IL1RAPL1: variants seen among roughly 807,000 people sequenced by gnomAD.
IL1RAPL1 encodes interleukin-1 receptor accessory protein-like 1.
A neutral mutation model predicts 48.4 loss-of-function variants in IL1RAPL1; 3 were observed. That is an observed-to-expected ratio of 0.06 (90% confidence interval 0.03 to 0.16). IL1RAPL1 has a LOEUF of 0.16. Ranked by LOEUF, IL1RAPL1 falls within the 10% of genes least tolerant of loss-of-function variation. The pLI is 1.00. For synonymous variants in IL1RAPL1, 185 were observed against 187.7 expected (o/e 0.99, Z 0.12); for missense variants, 349 against 530.6 (o/e 0.66, Z 3.36).
chrX:29,546,110 C>G (rs1490684005), intron 5 of IL1RAPL1, among the ~76,000 whole-genome samples: 2 of 111,617 alleles, frequency 1.8e-5, no homozygotes, highest in Admixed American at 9.6e-5. Flanking sequence ...CAGCCACCAC[C>G]AACAAAGTCA....
chrX:29,566,755 A>C (rs1922420342), intron 5 of IL1RAPL1, among the ~76,000 whole-genome samples: 1 of 112,550 alleles, frequency 8.9e-6, no homozygotes, highest in South Asian at 3.6e-4. Flanking sequence ...CTAGCAATAT[A>C]GGTTATTAAT....
At chrX:29,821,434 A>G (rs1930614988) in intron 6 of IL1RAPL1, among the ~76,000 whole-genome samples, 1 of 106,729 alleles carries the variant, frequency 9.4e-6, no homozygotes, top group Admixed American at 1.0e-4. Flanking sequence ...TGGGTGACAG[A>G]GCGAGACTCT....
intron 3 of IL1RAPL1, among the ~76,000 whole-genome samples, chrX:29,308,866 T>A (rs1932663843): frequency 8.9e-6 from 1 of 111,854 alleles, no homozygotes; most frequent in African/African-American, 3.2e-5. Flanking sequence ...CCAAGGGACA[T>A]CTTCAGGGTC....
intron 2 of IL1RAPL1, among the ~76,000 whole-genome samples, chrX:29,210,670 G>A (rs1253522380): frequency 9.0e-6 from 1 of 111,412 alleles, no homozygotes; most frequent in African/African-American, 3.3e-5. Flanking sequence ...CTGTGTCATT[G>A]GGATTGCCCT....
At chrX:29,121,912 CAGGTGTTATGCT>C (rs935728216) in intron 2 of IL1RAPL1, among the ~76,000 whole-genome samples, 1 of 111,630 alleles carries the variant, frequency 9.0e-6, no homozygotes, top group African/African-American at 3.3e-5. Context: ...TGATATTTGC[CAGGTGTTATGCT>C]AGGTGATATT....
At chrX:28,756,007 G>A (rs981432236) in intron 1 of IL1RAPL1, among the ~76,000 whole-genome samples, 6 of 111,581 alleles carry the variant, frequency 5.4e-5, no homozygotes, top group African/African-American at 1.6e-4. Flanking sequence ...ACTTTTCTAT[G>A]CACAGAGCTA....
intron 1 of IL1RAPL1, among the ~76,000 whole-genome samples, chrX:28,651,919 C>T (rs1367910802): frequency 9.0e-6 from 1 of 111,343 alleles, no homozygotes; most frequent in Non-Finnish European, 1.9e-5. Flanking sequence ...ACTTAAAGTA[C>T]CCTGGAAAGG....
At chrX:29,264,245 C>T (rs146882337) in intron 2 of IL1RAPL1, among the ~76,000 whole-genome samples, 261 of 111,529 alleles carry the variant, frequency 2.3e-3, no homozygotes, top group African/African-American at 8.1e-3. Context: ...TTTTCCTAAG[C>T]GTACTATGAT....
At chrX:28,882,799 AT>A (rs1158850778) in intron 2 of IL1RAPL1, among the ~76,000 whole-genome samples, 2 of 112,463 alleles carry the variant, frequency 1.8e-5, no homozygotes, top group Non-Finnish European at 3.7e-5. Context: ...ATGAAACCAT[AT>A]AAAAATATTA....
At chrX:29,667,242 C>T (rs1241319943) in intron 5 of IL1RAPL1, among the ~76,000 whole-genome samples, 1 of 112,142 alleles carries the variant, frequency 8.9e-6, no homozygotes. Context: ...AAACTCAAAA[C>T]TCATTCCTTT....
At chrX:28,698,846 T>C (rs866469971) in intron 1 of IL1RAPL1, among the ~76,000 whole-genome samples, 3 of 111,569 alleles carry the variant, frequency 2.7e-5, no homozygotes, top group Non-Finnish European at 5.7e-5. Flanking sequence ...AATAGCCAAG[T>C]AGATAAAGGA....
chrX:29,114,150 T>G (rs1370095681), intron 2 of IL1RAPL1, among the ~76,000 whole-genome samples: 2 of 112,072 alleles, frequency 1.8e-5, no homozygotes, highest in Non-Finnish European at 3.8e-5. Context: ...GAGTTGAAAT[T>G]TTCCCATTTT....
At chrX:29,793,627 ATTAC>A (rs1438974097) in intron 6 of IL1RAPL1, among the ~76,000 whole-genome samples, 2 of 111,960 alleles carry the variant, frequency 1.8e-5, no homozygotes, top group Admixed American at 9.5e-5. Flanking sequence ...TACTACATTT[ATTAC>A]TTATCATATT....
chrX:29,734,110 A>C (rs1179541794), intron 6 of IL1RAPL1, among the ~76,000 whole-genome samples: 1 of 112,866 alleles, frequency 8.9e-6, no homozygotes, highest in African/African-American at 3.2e-5. Flanking sequence ...CATTAAACTA[A>C]AAATATAATC....
chrX:28,844,476 G>A (rs1467300222), intron 2 of IL1RAPL1, among the ~76,000 whole-genome samples: 1 of 109,696 alleles, frequency 9.1e-6, no homozygotes, highest in Admixed American at 9.8e-5. Context: ...CCATTCGACA[G>A]GTGGCCAATC....
At chrX:29,520,957 C>T (rs1218240509) in intron 5 of IL1RAPL1, among the ~76,000 whole-genome samples, 1 of 110,911 alleles carries the variant, frequency 9.0e-6, no homozygotes, top group South Asian at 3.8e-4. Flanking sequence ...ATGAGTTACC[C>T]TTTGAACACA....
intron 2 of IL1RAPL1, among the ~76,000 whole-genome samples, chrX:28,839,676 A>G (rs1218486457): frequency 9.0e-6 from 1 of 110,885 alleles, no homozygotes; most frequent in East Asian, 2.8e-4. Context: ...AAAAATAGAT[A>G]GCAACTATTA....
intron 5 of IL1RAPL1, among the ~76,000 whole-genome samples, chrX:29,403,025 C>T (rs920670815): frequency 9.9e-5 from 11 of 111,395 alleles, no homozygotes; most frequent in Non-Finnish European, 2.1e-4. Flanking sequence ...CTCTCTTCCC[C>T]ATTTTTATAC....
intron 5 of IL1RAPL1, among the ~76,000 whole-genome samples, chrX:29,482,587 A>C (rs1304987163): frequency 8.9e-6 from 1 of 112,792 alleles, no homozygotes; most frequent in Non-Finnish European, 1.9e-5. Flanking sequence ...AATGTGGAAT[A>C]AACATTCCTC....
Sources: allele counts gnomAD v4.1 joint callset (sites outside exome capture counted in the v4.1 genomes callset), GRCh38; gene constraint gnomAD v4.1.1; transcripts MANE v1.5; gene names NCBI Gene and HGNC (gene_info 2026-07-23, HGNC 2026-07-21).